IQCH: variants seen among roughly 807,000 people sequenced by gnomAD.
The protein encoded by IQCH is IQ domain-containing protein H.
IQCH carries 98 observed loss-of-function variants against 117.0 expected under a neutral mutation model. The observed-to-expected ratio is 0.84, with a 90% confidence interval of 0.71 to 0.99. The LOEUF (loss-of-function observed/expected upper bound fraction) is 0.99, where lower values mean the gene tolerates loss of function less well. Among genes scored for constraint, IQCH ranks in the 50% least tolerant of loss-of-function variants. The probability of loss-of-function intolerance (pLI) is 0.00; values close to 1 mark genes in which losing one functional copy is unlikely to be tolerated. For missense variants in IQCH, 1,102 were observed against 1,243.8 expected, an observed-to-expected ratio of 0.89 and a Z score of 1.72; for synonymous variants, 412 against 448.2, an observed-to-expected ratio of 0.92 and a Z score of 1.02.
At chr15:67,373,065 C>G (rs1970607493) in intron 9 of IQCH, among the ~76,000 whole-genome samples, 1 of 151,862 alleles carries the variant, frequency 6.6e-6, no homozygotes, top group South Asian at 2.1e-4. Flanking sequence ...ACCACTTTGT[C>G]AGAAAGTATT....
In IQCH at chr15:67,339,914, A is replaced by G. The variant is rs867893107; in HGVS notation, c.508+2819A>G. Reference sequence around the variant, plus strand: ...TCCCAAGACTAGAAAATCAAGCCCAAGAAACTCTGTTCATCAGATTTCAAC... The same window carrying G: ...TCCCAAGACTAGAAAATCAAGCCCAGGAAACTCTGTTCATCAGATTTCAAC... On this transcript the variant is annotated intron_variant, in intron 5 of 20. Coordinates refer to ENST00000335894, the MANE Select transcript of IQCH (RefSeq NM_001031715.3). 7.9e-5 allele frequency among the ~76,000 whole-genome samples: 12 copies of G among 152,292 alleles called. No individual in the cohort carries two copies. In the Middle Eastern group the frequency reaches 0.01, roughly 130 times the overall value.
intron 5 of IQCH, among the ~76,000 whole-genome samples, chr15:67,341,104 C>T (rs990905084): frequency 3.3e-5 from 5 of 152,036 alleles, no homozygotes; most frequent in Admixed American, 1.3e-4. Flanking sequence ...CCCAGCTACT[C>T]AGAAGGCTGA....
At position 67,370,538 on chromosome 15, in the gene IQCH, T is replaced by A. The variant is rs1214004719; in HGVS notation, c.754-1573T>A. Among the ~76,000 whole-genome samples the A allele has an allele frequency of 6.6e-6, 1 of 152,090 alleles. No individual in the cohort carries two copies. The highest frequency in any genetic ancestry group is 2.4e-5 in the African/African-American group (1 of 41,408). On this transcript the variant is annotated intron_variant, in intron 8 of 20. Transcript: ENST00000335894. This position sits in a 1 kb window ranked among gnomAD's most constrained non-coding sequence, Gnocchi z 5.6. The stretch of plus-strand genomic sequence containing the variant: ...TGTGCCACTTGTCTTCTACCAGGAG[T>A]GGCAGCCTCTCCTGCCAGCACTGGT...
rs530306612 is a variant in IQCH at position 67,366,102 on chromosome 15, T to G, written c.754-6009T>G. 6.6e-6 allele frequency among the ~76,000 whole-genome samples: 1 copy of G among 152,320 alleles called. No homozygotes were observed. The highest frequency in any genetic ancestry group is 1.9e-4 in the East Asian group (1 of 5,194). The stretch of plus-strand genomic sequence containing the variant: ...CTTTGGTGATAATAGCAGTCCTTTT[T>G]GAGGCTTGCTCTTTTTCCCATACGT... On this transcript the variant is annotated intron_variant, in intron 8 of 20. Transcript: ENST00000335894. This position sits in a 1 kb window ranked among gnomAD's most constrained non-coding sequence, Gnocchi z 4.4.
intron 3 of IQCH, among the ~76,000 whole-genome samples, chr15:67,279,161 C>A (rs943083232): frequency 6.6e-6 from 1 of 152,092 alleles, no homozygotes; most frequent in East Asian, 1.9e-4. Context: ...AGAAATAGAG[C>A]TTTTTATTCA....
intron 4 of IQCH, among the ~76,000 whole-genome samples, chr15:67,285,417 C>CT (rs1966524525): frequency 6.6e-6 from 1 of 151,778 alleles, no homozygotes; most frequent in East Asian, 1.9e-4. Flanking sequence ...TTGATAGTTT[C>CT]TTTTGCTGTT....
intron 5 of IQCH, among the ~76,000 whole-genome samples, chr15:67,343,380 G>A (rs1420564767): frequency 6.6e-6 from 1 of 152,164 alleles, no homozygotes; most frequent in African/African-American, 2.4e-5. Context: ...CCCTCTAACA[G>A]CAGGCTTGGG....
At chr15:67,450,691 G>T (rs1247665954) in intron 16 of IQCH, among the ~76,000 whole-genome samples, 2 of 152,084 alleles carry the variant, frequency 1.3e-5, no homozygotes, top group East Asian at 3.9e-4. Flanking sequence ...TCTCTTTTTT[G>T]GTTGTGTCTC....
chr15:67,313,811 C>T (rs1362444413), intron 4 of IQCH, among the ~76,000 whole-genome samples: 1 of 152,206 alleles, frequency 6.6e-6, no homozygotes, highest in Non-Finnish European at 1.5e-5. Context: ...GCTGCTTTAA[C>T]TGAAGGGCAA....
rs369099025 is a variant in IQCH at position 67,420,049 on chromosome 15, T to C, written c.2219-1242T>C. Reference sequence around the variant, plus strand: ...TTTGTCATTGTTGTTTTGTTGCATTTACCTTGCTAAATCCCCAGCAACTGG... The same window carrying C: ...TTTGTCATTGTTGTTTTGTTGCATTCACCTTGCTAAATCCCCAGCAACTGG... On this transcript the variant is annotated intron_variant, in intron 15 of 20. Coordinates refer to ENST00000335894, the MANE Select transcript of IQCH (RefSeq NM_001031715.3). Among the ~76,000 whole-genome samples the C allele has an allele frequency of 2.0e-5, 3 of 152,256 alleles. No individual in the cohort carries two copies. The East Asian group carries it at 5.8e-4, about 29-fold the overall frequency.
At chr15:67,332,165 A>C (rs1356570360) in intron 4 of IQCH, among the ~76,000 whole-genome samples, 2 of 152,216 alleles carry the variant, frequency 1.3e-5, no homozygotes, top group African/African-American at 4.8e-5. Context: ...CTCAAAGTCA[A>C]GGAAGAACTG....
At position 67,494,210 on chromosome 15, in the gene IQCH, T is replaced by C. The variant is rs765838938; in HGVS notation, c.2862-48T>C. On this transcript the variant is annotated intron_variant, in intron 19 of 20. Transcript: ENST00000335894. The surrounding 1 kb of genome is among the most constrained non-coding windows in gnomAD (Gnocchi z 5.5). ...ATGAGAGGGCGATTGTTTTTAAGCA[T>C]GTGAAGGGAATCGTTGGTAAACTCA... 100 of 1,357,010 alleles carry C rather than the reference T, an allele frequency of 7.4e-5. No individual in the cohort carries two copies. Among genetic ancestry groups the C allele is most frequent in the Non-Finnish European group, 9.8e-5 (96 of 978,710 alleles). The allele number at this position is 1,357,010 out of a possible 1,614,324, so 84.1% of individuals were successfully genotyped here.
At position 67,336,943 on chromosome 15, in the gene IQCH, A is replaced by G. The variant is rs1276308012; in HGVS notation, c.388-32A>G. The G allele has an allele frequency of 2.0e-5, 32 of 1,610,134 alleles. No homozygotes were observed. The Admixed American group carries it at 5.2e-4, about 26-fold the overall frequency. On this transcript the variant is annotated intron_variant, in intron 4 of 20. Coordinates refer to ENST00000335894, the MANE Select transcript of IQCH (RefSeq NM_001031715.3). ...AAAACTGTTCACTGTGAAGGCAAAA[A>G]TGTTTGCTGAAACAAATTTTTTATT...
At chr15:67,282,894 T>G (rs2140482441) in intron 4 of IQCH, among the ~76,000 whole-genome samples, 1 of 152,302 alleles carries the variant, frequency 6.6e-6, no homozygotes, top group South Asian at 2.1e-4. Context: ...TTAGAATTGT[T>G]TATTAAGCCT....
chr15:67,478,340 G>A (rs1164470995), intron 18 of IQCH, among the ~76,000 whole-genome samples: 2 of 151,858 alleles, frequency 1.3e-5, no homozygotes, highest in African/African-American at 2.4e-5. Flanking sequence ...AGTCAAGATC[G>A]TGCCACTGCA....
chr15:67,360,656 A>C (rs1970093885), intron 8 of IQCH, among the ~76,000 whole-genome samples: 1 of 152,260 alleles, frequency 6.6e-6, no homozygotes, highest in Admixed American at 6.5e-5. Flanking sequence ...TTGGTCCATT[A>C]TTAAGAGCAT....
rs2081448074 is a variant in IQCH at position 67,411,447 on chromosome 15, C to T, written c.2098-5484C>T. ...TCAGGTCATTGTCTTGCCCTTTTCACTCTCCAGTCCTTCATGTAGGGATGT... is the reference window on the plus strand; with the variant it reads ...TCAGGTCATTGTCTTGCCCTTTTCATTCTCCAGTCCTTCATGTAGGGATGT... On this transcript the variant is annotated intron_variant, in intron 14 of 20. Coordinates refer to ENST00000335894, the MANE Select transcript of IQCH (RefSeq NM_001031715.3). The surrounding 1 kb of genome is among the most constrained non-coding windows in gnomAD (Gnocchi z 4.4). Among the ~76,000 whole-genome samples the T allele has an allele frequency of 6.6e-6, 1 of 152,222 alleles. No homozygotes were observed. The highest frequency in any genetic ancestry group is 2.4e-5 in the African/African-American group (1 of 41,462).
At chr15:67,351,567 T>C (rs1194393094) in intron 6 of IQCH, among the ~76,000 whole-genome samples, 5 of 152,226 alleles carry the variant, frequency 3.3e-5, no homozygotes, top group Admixed American at 6.5e-5. Flanking sequence ...CATTCAACTT[T>C]AGAAAGTAAT....
chr15:67,368,798 T>C (rs1328743764), intron 8 of IQCH, among the ~76,000 whole-genome samples: 2 of 152,196 alleles, frequency 1.3e-5, no homozygotes, highest in Non-Finnish European at 2.9e-5. Context: ...CCACATACTG[T>C]CCACATACAT....
Sources: gnomAD v4.1 joint callset for allele counts (sites outside exome capture counted in the v4.1 genomes callset) on GRCh38, gnomAD v4.1.1 for gene constraint, Gnocchi (gnomAD v3.1) non-coding constraint, MANE v1.5 for transcripts, NCBI Gene and HGNC (gene_info 2026-07-23, HGNC 2026-07-21) for gene names.